RAB3GAP2: variants seen among roughly 807,000 people sequenced by gnomAD.
RAB3GAP2 encodes rab3 GTPase-activating protein non-catalytic subunit.
A neutral mutation model predicts 185.3 loss-of-function variants in RAB3GAP2; 87 were observed. The observed-to-expected ratio is 0.47, with a 90% confidence interval of 0.39 to 0.56. The LOEUF (loss-of-function observed/expected upper bound fraction) is 0.56. Among genes scored for constraint, RAB3GAP2 ranks in the 20% least tolerant of loss-of-function variants. The pLI is 0.00. For synonymous variants in RAB3GAP2, 554 were observed against 576.1 expected, an observed-to-expected ratio of 0.96 and a Z score of 0.55; for missense variants, 1,492 against 1,638.2, an observed-to-expected ratio of 0.91 and a Z score of 1.54.
At chr1:220,176,060 T>C (rs1254455988) in intron 21 of RAB3GAP2, among the ~76,000 whole-genome samples, 1 of 151,980 alleles carries the variant, frequency 6.6e-6, no homozygotes, top group Non-Finnish European at 1.5e-5. Flanking sequence ...AAGAAGTGAA[T>C]ACAGAGATAA....
chr1:220,165,300 T>A (rs757508550), intron 26 of RAB3GAP2, among the ~76,000 whole-genome samples: 2 of 151,186 alleles, frequency 1.3e-5, no homozygotes, highest in Non-Finnish European at 2.9e-5. Flanking sequence ...ACATGATAAG[T>A]TAATATATTA....
intron 26 of RAB3GAP2, 45 bp downstream of exon 26, chr1:220,167,248 A>C (rs1319018741): frequency 6.5e-7 from 1 of 1,533,092 alleles, no homozygotes; most frequent in East Asian, 2.3e-5. Flanking sequence ...GAATAGCATG[A>C]ACACAGAAGC....
intron 2 of RAB3GAP2, among the ~76,000 whole-genome samples, chr1:220,225,003 C>G (rs1659377742): frequency 6.6e-6 from 1 of 152,156 alleles, no homozygotes; most frequent in Non-Finnish European, 1.5e-5. Flanking sequence ...TGGTAGAAGA[C>G]CAGAGGCCCC....
intron 28 of RAB3GAP2, among the ~76,000 whole-genome samples, chr1:220,161,339 A>G (rs1045749334): frequency 6.6e-6 from 1 of 152,230 alleles, no homozygotes; most frequent in African/African-American, 2.4e-5. Flanking sequence ...TACATTTAAA[A>G]GAATATGTTA....
intron 1 of RAB3GAP2, among the ~76,000 whole-genome samples, chr1:220,248,455 A>G (rs1659860181): frequency 6.6e-6 from 1 of 151,770 alleles, no homozygotes; most frequent in African/African-American, 2.4e-5. Context: ...CACCTTAAAT[A>G]TGTACCATTT....
chr1:220,164,581 C>G (rs1490789358), intron 27 of RAB3GAP2, 152 bp downstream of exon 27: 2 of 1,094,778 alleles, frequency 1.8e-6, no homozygotes, highest in Non-Finnish European at 1.3e-6. Flanking sequence ...CTCAAGAGAC[C>G]CTTGCACCTC....
intron 24 of RAB3GAP2, among the ~76,000 whole-genome samples, chr1:220,170,523 T>C (rs894041661): frequency 6.6e-6 from 1 of 152,200 alleles, no homozygotes; most frequent in Non-Finnish European, 1.5e-5. Flanking sequence ...CTGGTTTATA[T>C]CTGGATTCTC....
chr1:220,247,708 T>C (rs1659845924), intron 1 of RAB3GAP2, among the ~76,000 whole-genome samples: 1 of 152,160 alleles, frequency 6.6e-6, no homozygotes, highest in Non-Finnish European at 1.5e-5. Flanking sequence ...AAAGAACTCA[T>C]CTGTGTAACA....
Position 220,157,797 on chromosome 1 carries a change from T to G in RAB3GAP2, c.3336+5A>C. 6.2e-7 allele frequency: 1 copy of G among 1,604,694 alleles called. No homozygotes were observed. Reference sequence around the variant, plus strand: ...AGTTCAGAATGAAAAATACACCTCTTTTACCTCCATTAAGATCTGAAGAAG... The same window carrying G: ...AGTTCAGAATGAAAAATACACCTCTGTTACCTCCATTAAGATCTGAAGAAG... On this transcript the variant is annotated splice_donor_5th_base_variant and intron_variant, in intron 30 of 34. Coordinates refer to ENST00000358951, the MANE Select transcript of RAB3GAP2 (RefSeq NM_012414.4).
chr1:220,151,317 A>G lies in RAB3GAP2; in HGVS notation c.4116T>C (p.His1372=), dbSNP rs756725201. The change falls in exon 35 of 35, where the codon CAT becomes CAC. Residue 1372 remains histidine, a synonymous_variant. Transcript: ENST00000358951. ...GGTGTAAGGCTAGACCATATTGCCC[A>G]TGTTTTTCTGGTAAAAGCTCAATTA... ...NKVIELLPEK[H]GQYGLALHLI... 7 of 1,613,962 alleles carry G rather than the reference A, an allele frequency of 4.3e-6. No homozygotes were observed. Among genetic ancestry groups the G allele is most frequent in the African/African-American group, 2.7e-5 (2 of 74,910 alleles).
chr1:220,246,349 G>T (rs983977908), intron 1 of RAB3GAP2, among the ~76,000 whole-genome samples: 23 of 150,324 alleles, frequency 1.5e-4, no homozygotes, highest in African/African-American at 4.6e-4. Context: ...AACCATTGTG[G>T]AAGTCAGTGT....
At chr1:220,269,073 G>A (rs895546054) in intron 1 of RAB3GAP2, among the ~76,000 whole-genome samples, 3 of 152,178 alleles carry the variant, frequency 2.0e-5, no homozygotes, top group Admixed American at 2.0e-4. Context: ...ATATGATTGA[G>A]AACAACAAGT....
At chr1:220,175,665 C>A (rs1044378652) in intron 21 of RAB3GAP2, among the ~76,000 whole-genome samples, 28 of 152,298 alleles carry the variant, frequency 1.8e-4, no homozygotes, top group Admixed American at 1.8e-3. Flanking sequence ...AATTAAATGC[C>A]ATGCCTTGGA....
Position 220,182,270 on chromosome 1 carries a change from G to A in RAB3GAP2, c.2297C>T (p.Pro766Leu). The A allele has an allele frequency of 6.2e-7, 1 of 1,613,920 alleles. No homozygotes were observed. The highest frequency in any genetic ancestry group is 8.5e-7 in the Non-Finnish European group (1 of 1,179,956). The change falls in exon 21 of 35, where the codon CCT becomes CTT. Residue 766 changes from proline to leucine, a missense_variant. Pro to Leu is a moderately conservative substitution (Grantham distance 98). This residue lies in a region of RAB3GAP2 where 681 missense variants were observed against 689.1 expected (regional missense o/e 0.99). Transcript: ENST00000358951. ...CHTLESAGLS[P>L]QLLLSLLLSV... ...AAAAAACCTTACCAACAACAGCTGA[G>A]GGCTAAGACCAGCCGACTCCAAAGT...
At chr1:220,154,340 A>G (rs1657818331) in intron 31 of RAB3GAP2, 1 of 342,788 alleles carries the variant, frequency 2.9e-6, no homozygotes, top group African/African-American at 2.1e-5. Flanking sequence ...GGTAGAGGTG[A>G]TACATGTTAC....
In RAB3GAP2 at chr1:220,202,286, A is replaced by G; in HGVS notation, c.801T>C (p.His267=). ...GLQDIDTIID[H]ASVGIMTLSP... is the part of the protein sequence containing the mutation. ...ATTAGTAATACTTACCAACACTAGCATGATCAATAATAGTGTCAATATCTT... is the reference window on the plus strand; with the variant it reads ...ATTAGTAATACTTACCAACACTAGCGTGATCAATAATAGTGTCAATATCTT... Residue 267 remains histidine (H), a synonymous_variant, in exon 9 of 35, where the codon CAT becomes CAC. Transcript: ENST00000358951. 6.2e-7 allele frequency: 1 copy of G among 1,613,750 alleles called. No individual in the cohort carries two copies. The highest frequency in any genetic ancestry group is 8.5e-7 in the Non-Finnish European group (1 of 1,179,876).
intron 7 of RAB3GAP2, chr1:220,208,328 T>C (rs1322598202): frequency 6.6e-6 from 1 of 152,234 alleles, no homozygotes; most frequent in Non-Finnish European, 1.5e-5. Flanking sequence ...CCTTTAATAG[T>C]TCAATTTCTC....
In RAB3GAP2 at chr1:220,157,884, T is replaced by G. The variant is rs746275024; in HGVS notation, c.3262-8A>C. 3.4e-5 allele frequency: 54 copies of G among 1,610,302 alleles called. No homozygotes were observed. Among genetic ancestry groups the G allele is most frequent in the Non-Finnish European group, 4.4e-5 (52 of 1,176,892 alleles). On this transcript the variant is annotated splice_region_variant and splice_polypyrimidine_tract_variant and intron_variant, in intron 29 of 34. Coordinates refer to ENST00000358951, the MANE Select transcript of RAB3GAP2 (RefSeq NM_012414.4). ...GTCACTCATTCCCACATCCTGTTTT[T>G]TAAAAAGGAACGTAATTAGGCCCTG...
intron 1 of RAB3GAP2, among the ~76,000 whole-genome samples, chr1:220,244,980 TAAATTA>T (rs886322143): frequency 3.9e-5 from 6 of 152,282 alleles, no homozygotes; most frequent in African/African-American, 1.4e-4. Context: ...GGGATCTATT[TAAATTA>T]AAAAACTTCT....
Sources: allele counts gnomAD v4.1 joint callset (sites outside exome capture counted in the v4.1 genomes callset), GRCh38; gene constraint gnomAD v4.1.1; regional missense constraint gnomAD v4.1.1; transcripts MANE v1.5; gene names NCBI Gene and HGNC (gene_info 2026-07-23, HGNC 2026-07-21).